The following ANO6 variants were observed in gnomAD, a reference collection of about 807,000 sequenced individuals.
ANO6 encodes anoctamin-6.
Under a neutral mutation model 117.5 loss-of-function variants are expected in ANO6, and 106 were observed. The ratio of observed to expected loss-of-function variants is 0.90; its 90% CI spans 0.77 to 1.06. ANO6 has a LOEUF of 1.06. Ranked by LOEUF, ANO6 falls within the 50% of genes least tolerant of loss-of-function variation. The pLI, the probability that ANO6 is intolerant of heterozygous loss-of-function variation, is 0.00. For synonymous variants in ANO6, 367 were observed against 385.1 expected, an observed-to-expected ratio of 0.95 and a Z score of 0.55; for missense variants, 955 against 1,121.1, an observed-to-expected ratio of 0.85 and a Z score of 2.12.
At chr12:45,263,042 A>G (rs551535418) in intron 1 of ANO6, among the ~76,000 whole-genome samples, 2 of 152,090 alleles carry the variant, frequency 1.3e-5, no homozygotes, top group South Asian at 4.1e-4. Flanking sequence ...TTGCATAATC[A>G]TTCCTTGATT....
At chr12:45,230,239 T>C (rs1467274307) in intron 1 of ANO6, among the ~76,000 whole-genome samples, 4 of 152,114 alleles carry the variant, frequency 2.6e-5, no homozygotes, top group African/African-American at 7.2e-5. Flanking sequence ...CAGTAAGTTT[T>C]TGTTAAATCT....
chr12:45,253,152 G>A (rs1243409593), intron 1 of ANO6, among the ~76,000 whole-genome samples: 3 of 152,190 alleles, frequency 2.0e-5, no homozygotes, highest in Non-Finnish European at 4.4e-5. Context: ...TCATTGCAGG[G>A]AGCAGGGAAC....
In ANO6 at chr12:45,362,906, G is replaced by A. The variant is rs554893100; in HGVS notation, c.999-4782G>A. The stretch of plus-strand genomic sequence containing the variant: ...AACAGTTTCATAATTGTTGCTTTGT[G>A]TCTTTTAAATAAGATAGAAGAAAAT... On this transcript the variant is annotated intron_variant, in intron 8 of 19. Coordinates refer to ENST00000320560, the MANE Select transcript of ANO6 (RefSeq NM_001025356.3). 1.4e-3 allele frequency among the ~76,000 whole-genome samples: 212 copies of A among 151,936 alleles called. 1 individual carries two copies. The highest frequency in any genetic ancestry group is 1.6e-3 in the Non-Finnish European group (107 of 67,972).
intron 15 of ANO6, among the ~76,000 whole-genome samples, chr12:45,404,813 C>T (rs1592025985): frequency 6.6e-6 from 1 of 152,274 alleles, no homozygotes; most frequent in Non-Finnish European, 1.5e-5. Flanking sequence ...TCTTTACAGG[C>T]TCTCGCCTCC....
downstream of ANO6, among the ~76,000 whole-genome samples, chr12:45,435,663 T>A (rs573986614): frequency 6.6e-6 from 1 of 151,890 alleles, no homozygotes; most frequent in Non-Finnish European, 1.5e-5. Context: ...AAACATACCA[T>A]GTTTTAATTA....
At chr12:45,346,140 T>C (rs1378442996) in intron 3 of ANO6, among the ~76,000 whole-genome samples, 1 of 152,180 alleles carries the variant, frequency 6.6e-6, no homozygotes, top group Non-Finnish European at 1.5e-5. Flanking sequence ...CACTGTTGCA[T>C]TGGGGATTAA....
At chr12:45,394,022 A>G (rs1942535158) in intron 12 of ANO6, among the ~76,000 whole-genome samples, 1 of 152,232 alleles carries the variant, frequency 6.6e-6, no homozygotes. Context: ...AAATGGGCTA[A>G]ATGCCCCAAT....
intron 2 of ANO6, among the ~76,000 whole-genome samples, chr12:45,330,267 A>G (rs1940619058): frequency 6.6e-6 from 1 of 152,174 alleles, no homozygotes; most frequent in Non-Finnish European, 1.5e-5. Context: ...TATGTTTTCA[A>G]AAGTGAGAAG....
intron 9 of ANO6, among the ~76,000 whole-genome samples, chr12:45,369,797 G>A (rs558075780): frequency 2.0e-5 from 3 of 152,006 alleles, no homozygotes; most frequent in Non-Finnish European, 4.4e-5. Context: ...TATGAAATTA[G>A]GAAACAATTA....
At chr12:45,243,159 A>T (rs1300083787) in intron 1 of ANO6, among the ~76,000 whole-genome samples, 1 of 152,162 alleles carries the variant, frequency 6.6e-6, no homozygotes, top group Non-Finnish European at 1.5e-5. Context: ...TCTACTAAAA[A>T]TATAAATAAA....
intron 3 of ANO6, among the ~76,000 whole-genome samples, chr12:45,332,757 G>T (rs371634039): frequency 1.3e-5 from 2 of 151,914 alleles, no homozygotes; most frequent in East Asian, 1.9e-4. Flanking sequence ...TGCCATATTC[G>T]CCAGGTAGAC....
chr12:45,379,229 G>A (rs1053364835), intron 10 of ANO6, among the ~76,000 whole-genome samples: 4 of 152,200 alleles, frequency 2.6e-5, no homozygotes, highest in Non-Finnish European at 5.9e-5. Context: ...TATTTACGGT[G>A]TCCTCAGCAG....
chr12:45,416,973 A>G (rs1439250312), intron 17 of ANO6, 69 bp downstream of exon 17: 1 of 1,500,270 alleles, frequency 6.7e-7, no homozygotes, highest in African/African-American at 1.4e-5. Flanking sequence ...TAAGGAATCA[A>G]ATGTTTAGTG....
At chr12:45,259,179 A>C (rs1449690457) in intron 1 of ANO6, among the ~76,000 whole-genome samples, 1 of 152,320 alleles carries the variant, frequency 6.6e-6, no homozygotes, top group African/African-American at 2.4e-5. Flanking sequence ...CAGCATTCAG[A>C]ATGGTGAAGC....
chr12:45,321,645 G>A (rs976018763), intron 2 of ANO6, among the ~76,000 whole-genome samples: 19 of 152,030 alleles, frequency 1.2e-4, no homozygotes, highest in Non-Finnish European at 8.8e-5. Context: ...TGACAGTCGC[G>A]TGTTGTTCAT....
chr12:45,361,159 C>A (rs1235914038), intron 8 of ANO6, among the ~76,000 whole-genome samples: 3 of 152,002 alleles, frequency 2.0e-5, no homozygotes, highest in African/African-American at 7.3e-5. Context: ...AATATTAAGT[C>A]TTTTAATCCC....
chr12:45,270,349 C>A, intron 1 of ANO6: 1 of 1,320,628 alleles, frequency 7.6e-7, no homozygotes, highest in Non-Finnish European at 9.6e-7. Context: ...TGTACGAGGT[C>A]AGGTCCTTGT....
intron 3 of ANO6, among the ~76,000 whole-genome samples, chr12:45,341,785 T>C (rs1328805119): frequency 6.6e-6 from 1 of 151,960 alleles, no homozygotes; most frequent in Non-Finnish European, 1.5e-5. Context: ...GGGTTGCCTG[T>C]TTTGTCAGAT....
intron 6 of ANO6, 33 bp from the exon 7 acceptor site, chr12:45,350,626 T>G: frequency 6.5e-7 from 1 of 1,530,982 alleles, no homozygotes; most frequent in Non-Finnish European, 9.0e-7. Context: ...ACACGATGAT[T>G]ATGGTGCTTA....
Sources: allele counts gnomAD v4.1 joint callset (sites outside exome capture counted in the v4.1 genomes callset), GRCh38; gene constraint gnomAD v4.1.1; transcripts MANE v1.5; gene names NCBI Gene and HGNC (gene_info 2026-07-23, HGNC 2026-07-21).